TAF2: variants seen among roughly 807,000 people sequenced by gnomAD.
The protein encoded by TAF2 is TATA-box binding protein associated factor 2, also known as transcription initiation factor TFIID subunit 2.
Under a neutral mutation model 138.5 loss-of-function variants are expected in TAF2, and 61 were observed. That is an observed-to-expected ratio of 0.44 (90% CI 0.36 to 0.54). The LOEUF is 0.54. Ranked by LOEUF, TAF2 falls within the 20% of genes least tolerant of loss-of-function variation. The pLI, the probability that TAF2 is intolerant of heterozygous loss-of-function variation, is 0.00. For missense variants in TAF2, 1,090 were observed against 1,427.9 expected, an observed-to-expected ratio of 0.76 and a Z score of 3.81; for synonymous variants, 475 against 469.9, an observed-to-expected ratio of 1.01 and a Z score of -0.14.
chr8:119,820,547 CAGATA>C (rs142389085), intron 2 of TAF2, among the ~76,000 whole-genome samples: 2,209 of 152,178 alleles, frequency 0.015, 118 homozygotes, highest in Admixed American at 0.1. Context: ...TAACTTTTTA[CAGATA>C]AGATAAGAAA....
intron 25 of TAF2, among the ~76,000 whole-genome samples, chr8:119,738,197 T>C (rs983507060): frequency 6.6e-6 from 1 of 152,130 alleles, no homozygotes; most frequent in African/African-American, 2.4e-5. Flanking sequence ...GTTTTGCTTA[T>C]TATCTATCTC....
At chr8:119,823,601 T>G (rs911738940) in intron 2 of TAF2, among the ~76,000 whole-genome samples, 4 of 152,198 alleles carry the variant, frequency 2.6e-5, no homozygotes, top group African/African-American at 9.7e-5. Context: ...CTTTCCTTTG[T>G]AAACTGCCCA....
chr8:119,766,467 T>C (rs1563847586), intron 18 of TAF2, among the ~76,000 whole-genome samples: 1 of 152,190 alleles, frequency 6.6e-6, no homozygotes, highest in South Asian at 2.1e-4. Context: ...AGCTACAGCA[T>C]GAATAAGGCT....
rs1818859190 is a variant in TAF2, at chr8:119,731,202, A to T, written c.*722T>A. ...ACTTACTGGAAAACAAAACAAAAAA[A>T]CTTATAATTTAAACATCTTGATTTG... On this transcript the variant is annotated 3_prime_UTR_variant, in exon 26 of 26. Transcript: ENST00000378164. 1 of 152,202 alleles carries T rather than the reference A, an allele frequency of 6.6e-6. No individual in the cohort carries two copies. The highest frequency in any genetic ancestry group is 1.5e-5 in the Non-Finnish European group (1 of 68,044). The allele number at this position is 152,202 out of a possible 1,614,324, so 9.4% of individuals were successfully genotyped here.
At chr8:119,768,362 C>T (rs1821588607) in intron 18 of TAF2, among the ~76,000 whole-genome samples, 2 of 152,216 alleles carry the variant, frequency 1.3e-5, no homozygotes, top group South Asian at 4.1e-4. Flanking sequence ...GCATCATTAA[C>T]TTTTCTCTTC....
chr8:119,741,397 A>G (rs1002262465), intron 25 of TAF2, among the ~76,000 whole-genome samples: 1 of 152,218 alleles, frequency 6.6e-6, no homozygotes, highest in Non-Finnish European at 1.5e-5. Flanking sequence ...AAAATTATTT[A>G]CATCTAGTAA....
At chr8:119,745,462 T>C (rs941917882) in intron 23 of TAF2, among the ~76,000 whole-genome samples, 2 of 152,124 alleles carry the variant, frequency 1.3e-5, no homozygotes, top group African/African-American at 4.8e-5. Context: ...ATATTTTAAA[T>C]TGACAACAAA....
intron 14 of TAF2, among the ~76,000 whole-genome samples, chr8:119,786,725 C>T (rs1289936799): frequency 1.3e-5 from 2 of 152,140 alleles, no homozygotes; most frequent in Non-Finnish European, 2.9e-5. Context: ...AGTTCAAGAC[C>T]AGCCTGGCTA....
rs750383401 is a variant in TAF2 at position 119,795,564 on chromosome 8, C to A, written c.1159G>T (p.Gly387Cys). ...ATCCAATGGCGGTACTCATTAACACCAAAAGTTTTTTTCATCCAAAGTCCA... is the reference window on the plus strand; with the variant it reads ...ATCCAATGGCGGTACTCATTAACACAAAAAGTTTTTTTCATCCAAAGTCCA... ...IYGLWMKKTFGVNEYRHWIKE... is the reference protein window; with the variant it reads ...IYGLWMKKTFCVNEYRHWIKE... Residue 387 changes from glycine to cysteine, a missense_variant, in exon 9 of 26, where the codon GGT (glycine) becomes TGT (cysteine). Physicochemically the swap from Gly to Cys is radical, Grantham distance 159. Transcript: ENST00000378164. 6.2e-7 allele frequency: 1 copy of A among 1,613,552 alleles called. No individual in the cohort carries two copies. Among genetic ancestry groups the A allele is most frequent in the African/African-American group, 1.3e-5 (1 of 74,878 alleles).
At chr8:119,758,251 G>A (rs368245311) in intron 20 of TAF2, 109 bp from the exon 21 acceptor site, 2 of 964,872 alleles carry the variant, frequency 2.1e-6, no homozygotes, top group Non-Finnish European at 3.2e-6. Context: ...TGCCTTAGCT[G>A]AGTTTTCAAT....
At chr8:119,821,191 C>G (rs1374491912) in intron 2 of TAF2, among the ~76,000 whole-genome samples, 1 of 152,224 alleles carries the variant, frequency 6.6e-6, no homozygotes, top group Non-Finnish European at 1.5e-5. Context: ...CTCTAACCTA[C>G]AGCTGCCTGA....
intron 3 of TAF2, among the ~76,000 whole-genome samples, chr8:119,817,882 T>C (rs1441603198): frequency 6.6e-6 from 1 of 152,254 alleles, no homozygotes; most frequent in South Asian, 2.1e-4. Flanking sequence ...GTTTTTGTTT[T>C]TGTTTTCTGG....
intron 22 of TAF2, among the ~76,000 whole-genome samples, chr8:119,751,776 A>G (rs933975286): frequency 1.3e-5 from 2 of 152,238 alleles, no homozygotes; most frequent in Non-Finnish European, 2.9e-5. Flanking sequence ...AAACCTATTT[A>G]TTTAAGAATC....
intron 5 of TAF2, among the ~76,000 whole-genome samples, chr8:119,802,552 A>G (rs1824337647): frequency 6.6e-6 from 1 of 152,210 alleles, no homozygotes; most frequent in South Asian, 2.1e-4. Flanking sequence ...GTGACAGGGT[A>G]GGTACTTAGT....
intron 15 of TAF2, among the ~76,000 whole-genome samples, chr8:119,784,492 C>T (rs1822887697): frequency 6.6e-6 from 1 of 152,010 alleles, no homozygotes; most frequent in African/African-American, 2.4e-5. Flanking sequence ...AAGCAAGACT[C>T]TGTCTCAAAA....
chr8:119,798,390 T>C (rs1823984869), intron 6 of TAF2, among the ~76,000 whole-genome samples: 1 of 152,222 alleles, frequency 6.6e-6, no homozygotes, highest in Non-Finnish European at 1.5e-5. Flanking sequence ...TCTGTTTTTT[T>C]TCATTAGGTT....
intron 19 of TAF2, 78 bp downstream of exon 19, chr8:119,762,337 C>T (rs1028843084): frequency 1.1e-5 from 15 of 1,408,850 alleles, no homozygotes; most frequent in African/African-American, 1.4e-5. Context: ...ACTATATTTC[C>T]CAATTTTCTA....
chr8:119,783,724 G>C, intron 15 of TAF2, 91 bp from the exon 16 acceptor site: 1 of 1,461,444 alleles, frequency 6.8e-7, no homozygotes, highest in Admixed American at 2.1e-5. Context: ...TATTTACCAG[G>C]TTTCCTTTTA....
intron 3 of TAF2, among the ~76,000 whole-genome samples, chr8:119,815,254 C>G (rs1825376288): frequency 6.6e-6 from 1 of 151,246 alleles, no homozygotes; most frequent in African/African-American, 2.4e-5. Flanking sequence ...TGCACTCCAG[C>G]CTGGATGACA....
Sources: allele counts gnomAD v4.1 joint callset (sites outside exome capture counted in the v4.1 genomes callset), GRCh38; gene constraint gnomAD v4.1.1; transcripts MANE v1.5; gene names NCBI Gene and HGNC (gene_info 2026-07-23, HGNC 2026-07-21).